JAKMIP2: variants seen among roughly 807,000 people sequenced by gnomAD.
JAKMIP2 encodes the protein janus kinase and microtubule-interacting protein 2.
In JAKMIP2, 25 loss-of-function variants were observed where a neutral mutation model predicts 115.0. That is an observed-to-expected ratio of 0.22 (90% CI 0.16 to 0.30). The LOEUF is 0.30. Among genes scored for constraint, JAKMIP2 ranks in the 10% least tolerant of loss-of-function variants. The pLI is 1.00. For synonymous variants in JAKMIP2, 334 were observed against 343.6 expected (o/e 0.97, Z 0.31); for missense variants, 642 against 957.6 (o/e 0.67, Z 4.35).
intron 1 of JAKMIP2, among the ~76,000 whole-genome samples, chr5:147,748,137 G>A (rs1754417306): frequency 6.6e-6 from 1 of 152,164 alleles, no homozygotes; most frequent in African/African-American, 2.4e-5. Context: ...GAATGCCAGG[G>A]TTCAAATCCT....
chr5:147,654,173 A>T (rs1158079021), intron 3 of JAKMIP2, among the ~76,000 whole-genome samples: 5 of 150,658 alleles, frequency 3.3e-5, no homozygotes, highest in Non-Finnish European at 7.4e-5. Flanking sequence ...CTTTTTGCTT[A>T]GGACTGTGTT....
intron 1 of JAKMIP2, among the ~76,000 whole-genome samples, chr5:147,721,415 A>G (rs1301953131): frequency 1.3e-5 from 2 of 152,248 alleles, no homozygotes; most frequent in Non-Finnish European, 2.9e-5. Flanking sequence ...TACCTCAGCA[A>G]GCCTGGGCAA....
At chr5:147,664,776 T>C (rs1047156461) in intron 2 of JAKMIP2, among the ~76,000 whole-genome samples, 2 of 152,138 alleles carry the variant, frequency 1.3e-5, no homozygotes, top group Non-Finnish European at 2.9e-5. Flanking sequence ...CAATGAGCCA[T>C]CCTCATCTCT....
intron 13 of JAKMIP2, 131 bp downstream of exon 13, chr5:147,632,549 T>C: frequency 3.1e-6 from 2 of 647,590 alleles, no homozygotes; most frequent in African/African-American, 1.8e-5. Flanking sequence ...CTATATAATT[T>C]TGAGGGTGAT....
chr5:147,666,064 A>T (rs1365963386), intron 2 of JAKMIP2, among the ~76,000 whole-genome samples: 1 of 152,240 alleles, frequency 6.6e-6, no homozygotes, highest in East Asian at 1.9e-4. Context: ...AAAGGAACTG[A>T]GTAACATTTG....
chr5:147,715,984 T>TCCCTCCC (rs1752969380), intron 1 of JAKMIP2, among the ~76,000 whole-genome samples: 1 of 106,504 alleles, frequency 9.4e-6, no homozygotes, highest in Non-Finnish European at 1.9e-5. Flanking sequence ...CCCAATGCTA[T>TCCCTCCC]CCCTCCCCCC....
rs530660828 is a variant in JAKMIP2, at chr5:147,710,773, C to T, written c.-148-38819G>A. Among the ~76,000 whole-genome samples the T allele has an allele frequency of 3.3e-5, 5 of 152,222 alleles. No individual in the cohort carries two copies. The South Asian group carries it at 1.0e-3, about 32-fold the overall frequency. ...TCACCAAGGCTCTGCTAAAGAAAAA[C>T]ATAAAATGATAGATGTGATGGGAAA... On this transcript the variant is annotated intron_variant, in intron 1 of 21. Coordinates refer to ENST00000616793, the MANE Select transcript of JAKMIP2 (RefSeq NM_001270941.2).
rs113849137 is a variant in JAKMIP2, at chr5:147,736,779, C to T, written c.-149+45677G>A. ...TATTCAGGTAACTTATGGCAATGTA[C>T]GGAATTTAGGGTCAATCTTCACATA... On this transcript the variant is annotated intron_variant, in intron 1 of 21. Coordinates refer to ENST00000616793, the MANE Select transcript of JAKMIP2 (RefSeq NM_001270941.2). 2.0e-3 allele frequency among the ~76,000 whole-genome samples: 310 copies of T among 152,184 alleles called. 1 individual carries two copies. Among genetic ancestry groups the T allele is most frequent in the African/African-American group, 4.4e-3 (181 of 41,528 alleles).
chr5:147,602,632 G>C (rs1755765909), intron 20 of JAKMIP2, among the ~76,000 whole-genome samples: 1 of 152,178 alleles, frequency 6.6e-6, no homozygotes, highest in Non-Finnish European at 1.5e-5. Flanking sequence ...CAGTGCTTGA[G>C]TAGCACAGGT....
intron 10 of JAKMIP2, among the ~76,000 whole-genome samples, chr5:147,637,494 C>T (rs1022253279): frequency 1.4e-4 from 20 of 139,936 alleles, no homozygotes; most frequent in African/African-American, 5.3e-4. Context: ...GGCTGGAATG[C>T]AGTGGCACAA....
Position 147,591,667 on chromosome 5 carries a change from T to C in JAKMIP2, c.*40A>G. On this transcript the variant is annotated 3_prime_UTR_variant, in exon 22 of 22. Transcript: ENST00000616793. ...AGAAGCACTTGTCTTCCTGGGATCT[T>C]ATCCATGTTTTCGGTTACTCTGCAA... 1 of 1,596,658 alleles carries C rather than the reference T, an allele frequency of 6.3e-7. No individual in the cohort carries two copies. Among genetic ancestry groups the C allele is most frequent in the Non-Finnish European group, 8.6e-7 (1 of 1,167,598 alleles).
chr5:147,757,595 T>C (rs940799992), intron 1 of JAKMIP2, among the ~76,000 whole-genome samples: 3 of 152,058 alleles, frequency 2.0e-5, no homozygotes, highest in Non-Finnish European at 4.4e-5. Context: ...CTCTGGACCC[T>C]AGTTTCCTTA....
At chr5:147,731,638 T>C (rs1043136378) in intron 1 of JAKMIP2, among the ~76,000 whole-genome samples, 4 of 152,214 alleles carry the variant, frequency 2.6e-5, no homozygotes, top group Admixed American at 6.5e-5. Flanking sequence ...CTAGATTATT[T>C]TCCTTTAAAT....
chr5:147,639,614 T>C lies in JAKMIP2; in HGVS notation c.1530+18A>G. 6.2e-7 allele frequency: 1 copy of C among 1,602,812 alleles called. No homozygotes were observed. The highest frequency in any genetic ancestry group is 1.1e-5 in the South Asian group (1 of 88,520). ...TGCTGCACGCTAATTCAGAGCACTC[T>C]CACAGATACACACTAACCTTGGCTT... is the stretch of plus-strand genomic sequence containing the variant. On this transcript the variant is annotated intron_variant, in intron 10 of 21. Coordinates refer to ENST00000616793, the MANE Select transcript of JAKMIP2 (RefSeq NM_001270941.2).
intron 10 of JAKMIP2, 66 bp from the exon 11 acceptor site, chr5:147,637,114 A>G: frequency 1.2e-6 from 1 of 828,706 alleles, no homozygotes; most frequent in Admixed American, 1.9e-5. Context: ...CTTGACTAGA[A>G]CTCAACAAGT....
intron 2 of JAKMIP2, among the ~76,000 whole-genome samples, chr5:147,663,703 G>C (rs894652725): frequency 2.6e-5 from 4 of 152,144 alleles, no homozygotes; most frequent in African/African-American, 9.7e-5. Flanking sequence ...ATAGTATTTT[G>C]TGAACAGTTT....
At chr5:147,614,465 T>C (rs2126635315) in intron 19 of JAKMIP2, among the ~76,000 whole-genome samples, 1 of 152,356 alleles carries the variant, frequency 6.6e-6, no homozygotes, top group South Asian at 2.1e-4. Flanking sequence ...TTGCTGGATC[T>C]AAAACATTCC....
At chr5:147,691,709 CT>C (rs1751868102) in intron 1 of JAKMIP2, among the ~76,000 whole-genome samples, 1 of 152,166 alleles carries the variant, frequency 6.6e-6, no homozygotes, top group Non-Finnish European at 1.5e-5. Context: ...GTTTGCTTCT[CT>C]TTTGACTCAA....
intron 1 of JAKMIP2, among the ~76,000 whole-genome samples, chr5:147,730,499 AG>A (rs547024653): frequency 8.3e-4 from 126 of 151,196 alleles, no homozygotes; most frequent in African/African-American, 2.2e-3. Context: ...CTCTGTCGCC[AG>A]GCTGGAGTGC....
Sources: allele counts gnomAD v4.1 joint callset (sites outside exome capture counted in the v4.1 genomes callset), GRCh38; gene constraint gnomAD v4.1.1; transcripts MANE v1.5; gene names NCBI Gene and HGNC (gene_info 2026-07-23, HGNC 2026-07-21).